Variants in HTR2C observed in about 807,000 individuals in gnomAD.
HTR2C encodes the protein 5-hydroxytryptamine (serotonin) receptor 2C, G protein-coupled.
In HTR2C, 5 loss-of-function variants were observed where a neutral mutation model predicts 21.0. The observed-to-expected ratio is 0.24, with a 90% CI of 0.12 to 0.50. The LOEUF (loss-of-function observed/expected upper bound fraction) is 0.50, where lower values mean the gene tolerates loss of function less well. HTR2C is among the 20% of genes least tolerant of loss of function. HTR2C has a pLI of 0.98. For missense variants in HTR2C, 271 were observed against 371.2 expected, an observed-to-expected ratio of 0.73 and a Z score of 2.22; for synonymous variants, 150 against 145.3, an observed-to-expected ratio of 1.03 and a Z score of -0.23.
intron 4 of HTR2C, among the ~76,000 whole-genome samples, chrX:114,806,519 C>T (rs1417959483): frequency 6.5e-5 from 6 of 92,616 alleles, no homozygotes; most frequent in Non-Finnish European, 1.0e-4. Flanking sequence ...ATATACACCA[C>T]ATATATACAC....
chrX:114,906,451 G>T (rs1288426163), intron 5 of HTR2C, 138 bp from the exon 6 acceptor site: 1 of 456,843 alleles, frequency 2.2e-6, no homozygotes, highest in Admixed American at 4.2e-5. Context: ...TGTGACTATC[G>T]ATTATGCCGT....
intron 5 of HTR2C, among the ~76,000 whole-genome samples, chrX:114,901,443 CAGCAGTAGTAGTTATAAT>C (rs2071336566): frequency 2.7e-5 from 3 of 111,446 alleles, no homozygotes; most frequent in South Asian, 3.7e-4. Flanking sequence ...GTAGTTGTAA[CAGCAGTAGTAGTTATAAT>C]AGCAGTAGTA....
chrX:114,680,890 C>T (rs1447940022), intron 2 of HTR2C, among the ~76,000 whole-genome samples: 4 of 110,854 alleles, frequency 3.6e-5, no homozygotes, highest in Non-Finnish European at 7.6e-5. Context: ...AATTATATGT[C>T]CCTTTATCCT....
intron 2 of HTR2C, among the ~76,000 whole-genome samples, chrX:114,660,752 G>T (rs1452535022): frequency 8.9e-6 from 1 of 112,047 alleles, no homozygotes; most frequent in Non-Finnish European, 1.9e-5. Flanking sequence ...GAAATTACAT[G>T]TATCAGTGAA....
intron 1 of HTR2C, among the ~76,000 whole-genome samples, chrX:114,613,038 G>A (rs1469273201): frequency 9.1e-6 from 1 of 110,077 alleles, no homozygotes; most frequent in Non-Finnish European, 1.9e-5. Context: ...CCGGGTTCAA[G>A]CAATTCTCCC....
intron 3 of HTR2C, among the ~76,000 whole-genome samples, chrX:114,729,856 C>A (rs1602727386): frequency 9.0e-6 from 1 of 111,383 alleles, no homozygotes; most frequent in African/African-American, 3.3e-5. Flanking sequence ...TTCCATCTCC[C>A]TAATTTCAGA....
intron 4 of HTR2C, among the ~76,000 whole-genome samples, chrX:114,771,004 G>T (rs2069997194): frequency 9.1e-6 from 1 of 110,172 alleles, no homozygotes; most frequent in East Asian, 2.9e-4. Flanking sequence ...GTTTCACCAT[G>T]TTGGTCAGGC....
intron 4 of HTR2C, among the ~76,000 whole-genome samples, chrX:114,754,830 T>C (rs1308030690): frequency 8.9e-6 from 1 of 111,988 alleles, no homozygotes; most frequent in African/African-American, 3.2e-5. Flanking sequence ...TTTAAAGGAA[T>C]TGGAAAACCA....
At chrX:114,660,368 T>C (rs1053698051) in intron 2 of HTR2C, among the ~76,000 whole-genome samples, 1 of 112,155 alleles carries the variant, frequency 8.9e-6, no homozygotes, top group African/African-American at 3.2e-5. Flanking sequence ...GAAAAAGTCT[T>C]TCCTATGCAT....
intron 1 of HTR2C, among the ~76,000 whole-genome samples, chrX:114,611,699 A>C (rs782750721): frequency 2.2e-4 from 24 of 109,568 alleles, no homozygotes; most frequent in Middle Eastern, 4.3e-3. Flanking sequence ...GGTTTTTTTT[A>C]GTTTTTTTCT....
intron 2 of HTR2C, among the ~76,000 whole-genome samples, chrX:114,698,375 T>A (rs952172354): frequency 2.4e-4 from 26 of 109,590 alleles, no homozygotes; most frequent in Non-Finnish European, 3.8e-4. Flanking sequence ...TACCCTTCAA[T>A]TTTTTTGACT....
chrX:114,795,796 C>A (rs1339657928), intron 4 of HTR2C, among the ~76,000 whole-genome samples: 1 of 111,196 alleles, frequency 9.0e-6, no homozygotes, highest in Admixed American at 9.7e-5. Flanking sequence ...AGTCATGTAG[C>A]GTGAGTTTAG....
chrX:114,774,112 C>T (rs1377919059), intron 4 of HTR2C, among the ~76,000 whole-genome samples: 1 of 112,178 alleles, frequency 8.9e-6, no homozygotes, highest in African/African-American at 3.2e-5. Flanking sequence ...ATATATTAGT[C>T]CCAATCCCTG....
At chrX:114,898,587 G>A (rs1451235333) in intron 5 of HTR2C, among the ~76,000 whole-genome samples, 1 of 111,645 alleles carries the variant, frequency 9.0e-6, no homozygotes, top group East Asian at 2.8e-4. Flanking sequence ...ATAAGAAAGG[G>A]GTCCAGTTTC....
chrX:114,647,225 T>A (rs1930395666), intron 2 of HTR2C, among the ~76,000 whole-genome samples: 1 of 111,559 alleles, frequency 9.0e-6, no homozygotes, highest in African/African-American at 3.3e-5. Context: ...GCTAAAAGAA[T>A]GGATTTTAAA....
intron 2 of HTR2C, among the ~76,000 whole-genome samples, chrX:114,620,683 A>G (rs781894644): frequency 9.0e-6 from 1 of 111,624 alleles, no homozygotes; most frequent in Non-Finnish European, 1.9e-5. Flanking sequence ...CTTTATATGT[A>G]TTACACGGAA....
chrX:114,792,074 G>C (rs1198539502), intron 4 of HTR2C, among the ~76,000 whole-genome samples: 1 of 111,684 alleles, frequency 9.0e-6, no homozygotes, highest in African/African-American at 3.2e-5. Context: ...TTATTGTCCA[G>C]ACAAATAATA....
At chrX:114,894,057 C>T (rs782271915) in intron 5 of HTR2C, among the ~76,000 whole-genome samples, 4 of 111,424 alleles carry the variant, frequency 3.6e-5, no homozygotes, top group Non-Finnish European at 7.5e-5. Flanking sequence ...TTAGTGGCAA[C>T]TGAAACTTTC....
chrX:114,616,380 G>A (rs1415537851), intron 2 of HTR2C, among the ~76,000 whole-genome samples: 4 of 110,001 alleles, frequency 3.6e-5, no homozygotes, highest in Non-Finnish European at 7.6e-5. Context: ...TCTGCCTGCC[G>A]GGTTCAAGCA....
Sources: gnomAD v4.1 joint callset for allele counts (sites outside exome capture counted in the v4.1 genomes callset) on GRCh38, gnomAD v4.1.1 for gene constraint, MANE v1.5 for transcripts, NCBI Gene and HGNC (gene_info 2026-07-23, HGNC 2026-07-21) for gene names.